The following MTHFD2L variants were observed in gnomAD, a reference collection of about 807,000 sequenced individuals.
The protein encoded by MTHFD2L is methylenetetrahydrofolate dehydrogenase (NADP+ dependent) 2 like.
Under a neutral mutation model 34.9 loss-of-function variants are expected in MTHFD2L, and 29 were observed. The ratio of observed to expected loss-of-function variants is 0.83; its 90% CI spans 0.62 to 1.13. MTHFD2L has a LOEUF of 1.13. Among genes scored for constraint, MTHFD2L ranks in the 50% most tolerant of loss-of-function variants. The probability of loss-of-function intolerance (pLI) is 0.00; values close to 1 mark genes in which losing one functional copy is unlikely to be tolerated. For synonymous variants in MTHFD2L, 167 were observed against 155.7 expected, an observed-to-expected ratio of 1.07 and a Z score of -0.54; for missense variants, 481 against 446.5, an observed-to-expected ratio of 1.08 and a Z score of -0.70.
intron 2 of MTHFD2L, among the ~76,000 whole-genome samples, chr4:74,117,103 T>C (rs746457327): frequency 3.3e-5 from 5 of 152,140 alleles, no homozygotes; most frequent in Non-Finnish European, 7.4e-5. Flanking sequence ...GAGAAAGGGA[T>C]TTTAAAGGGA....
At chr4:74,127,124 T>G (rs1037804030) in intron 1 of MTHFD2L, among the ~76,000 whole-genome samples, 1 of 152,196 alleles carries the variant, frequency 6.6e-6, no homozygotes, top group Admixed American at 6.6e-5. Flanking sequence ...TGCCGAACTG[T>G]GAGTCAATTA....
chr4:74,229,949 AT>A (rs1018298728), intron 6 of MTHFD2L, among the ~76,000 whole-genome samples: 3 of 151,466 alleles, frequency 2.0e-5, no homozygotes, highest in South Asian at 2.1e-4. Flanking sequence ...AAGGCGTGGT[AT>A]TTTTTTTTAA....
rs943008697 is a variant in MTHFD2L, at chr4:74,199,775, A to G, written c.452-19A>G. The G allele has an allele frequency of 1.3e-6, 2 of 1,578,946 alleles. No homozygotes were observed. Among genetic ancestry groups the G allele is most frequent in the Non-Finnish European group, 8.6e-7 (1 of 1,163,698 alleles). On this transcript the variant is annotated intron_variant, in intron 3 of 7. Transcript: ENST00000325278. ...TAAATAACAATTTTAAAATTAGACA[A>G]ATTTTATTTATTTTTCAGACCACGT...
chr4:74,265,891 T>A (rs1163551915), intron 6 of MTHFD2L, among the ~76,000 whole-genome samples: 1 of 152,236 alleles, frequency 6.6e-6, no homozygotes, highest in Admixed American at 6.5e-5. Flanking sequence ...TTTGCCTAAT[T>A]TGCAGATGTG....
At chr4:74,222,249 A>G (rs1050240591) in intron 5 of MTHFD2L, among the ~76,000 whole-genome samples, 2 of 152,108 alleles carry the variant, frequency 1.3e-5, no homozygotes, top group Non-Finnish European at 2.9e-5. Context: ...TTGTTCTGCT[A>G]TAGCAGAATA....
At chr4:74,215,766 AG>A (rs1212605486) in intron 5 of MTHFD2L, among the ~76,000 whole-genome samples, 1 of 151,830 alleles carries the variant, frequency 6.6e-6, no homozygotes, top group Non-Finnish European at 1.5e-5. Context: ...AGGGGAGGAG[AG>A]GGCTGGAACT....
At chr4:74,177,299 TGAATCTC>T (rs1210682338) in intron 3 of MTHFD2L, among the ~76,000 whole-genome samples, 1 of 152,010 alleles carries the variant, frequency 6.6e-6, no homozygotes, top group Admixed American at 6.6e-5. Context: ...TCACTCACAA[TGAATCTC>T]CTGTTGGTAC....
chr4:74,158,246 G>A lies in MTHFD2L; in HGVS notation c.108G>A (p.Gly36=). Residue 36 remains glycine, a synonymous_variant, in exon 1 of 8, where the codon GGG becomes GGA. Coordinates refer to ENST00000325278, the MANE Select transcript of MTHFD2L (RefSeq NM_001144978.3). ...APSVRAPGEP[G]SAFRGFRSSG... is the part of the protein sequence containing the mutation. ...CCGTAAGGGCACCGGGAGAGCCCGGGAGTGCGTTCCGGGGCTTTCGGAGCA... is the reference window on the plus strand; with the variant it reads ...CCGTAAGGGCACCGGGAGAGCCCGGAAGTGCGTTCCGGGGCTTTCGGAGCA... 1.4e-6 allele frequency: 2 copies of A among 1,476,544 alleles called. No individual in the cohort carries two copies. The highest frequency in any genetic ancestry group is 1.8e-6 in the Non-Finnish European group (2 of 1,115,338). The allele number at this position is 1,476,544 out of a possible 1,614,324, so 91.5% of individuals were successfully genotyped here.
In MTHFD2L at chr4:74,291,003, C is replaced by CTTTTTTTTTTTTTTTTTTTTTTTT. The variant is rs10585551; in HGVS notation, c.931+9462_931+9485dup. On this transcript the variant is annotated intron_variant, in intron 7 of 7. Coordinates refer to ENST00000325278, the MANE Select transcript of MTHFD2L (RefSeq NM_001144978.3). The stretch of plus-strand genomic sequence containing the variant: ...CTGTCTTACATTTATTTTTCCTTTT[C>CTTTTTTTTTTTTTTTTTTTTTTTT]TTTTTTTTTTTTTTTTTTTTTTTTT... Among the ~76,000 whole-genome samples the CTTTTTTTTTTTTTTTTTTTTTTTT allele has an allele frequency of 2.6e-3, 76 of 29,278 alleles. 26 individuals carry two copies. The highest frequency in any genetic ancestry group is 5.5e-3 in the East Asian group (4 of 730). 19.2% of individuals were successfully genotyped at this position (29,278 alleles called of 152,430 possible).
In MTHFD2L at chr4:74,174,620, A is replaced by C; in HGVS notation, c.258A>C (p.Ile86=). The C allele has an allele frequency of 1.2e-6, 2 of 1,604,752 alleles. No individual in the cohort carries two copies. Among genetic ancestry groups the C allele is most frequent in the Non-Finnish European group, 1.7e-6 (2 of 1,175,992 alleles). Residue 86 remains isoleucine, a synonymous_variant, in exon 2 of 8, where the codon ATA becomes ATC. Coordinates refer to ENST00000325278, the MANE Select transcript of MTHFD2L (RefSeq NM_001144978.3). ...SLGNRRPHLS[I]ILVGDNPASH... ...GAAACAGAAGACCTCACCTCAGTAT[A>C]ATTTTAGTGGGAGATAACCCAGCAA...
intron 1 of MTHFD2L, among the ~76,000 whole-genome samples, chr4:74,168,900 G>A (rs550851328): frequency 1.2e-3 from 176 of 152,288 alleles, no homozygotes; most frequent in Non-Finnish European, 1.9e-3. Flanking sequence ...AATCTAATTT[G>A]TTTATGCACT....
intron 1 of MTHFD2L, among the ~76,000 whole-genome samples, chr4:74,137,770 C>G (rs1308419899): frequency 6.6e-6 from 1 of 152,020 alleles, no homozygotes; most frequent in Admixed American, 6.6e-5. Flanking sequence ...GAATATTATT[C>G]AATCATAAGA....
At chr4:74,277,576 G>A (rs1313544185) in intron 6 of MTHFD2L, among the ~76,000 whole-genome samples, 1 of 151,838 alleles carries the variant, frequency 6.6e-6, no homozygotes, top group African/African-American at 2.4e-5. Context: ...TCTTTATTTT[G>A]AATATTGCTA....
chr4:74,213,683 CTTG>C (rs922182630), intron 5 of MTHFD2L, among the ~76,000 whole-genome samples: 3 of 152,040 alleles, frequency 2.0e-5, no homozygotes, highest in African/African-American at 7.2e-5. Context: ...GGTTATGTGT[CTTG>C]TTGTTGCTCT....
At chr4:74,120,353 G>A (rs1423543264), upstream of MTHFD2L, among the ~76,000 whole-genome samples, 1 of 152,216 alleles carries the variant, frequency 6.6e-6, no homozygotes, top group Non-Finnish European at 1.5e-5. Flanking sequence ...GCTTACTTTT[G>A]TGCAATATAT....
intron 2 of MTHFD2L, among the ~76,000 whole-genome samples, chr4:74,175,031 T>C (rs1200033093): frequency 6.6e-6 from 1 of 152,170 alleles, no homozygotes; most frequent in African/African-American, 2.4e-5. Flanking sequence ...AGTGATATTT[T>C]TATTCTCTTC....
chr4:74,197,841 G>A (rs937554625), intron 3 of MTHFD2L, among the ~76,000 whole-genome samples: 5 of 152,048 alleles, frequency 3.3e-5, no homozygotes, highest in African/African-American at 9.7e-5. Context: ...TCACATTATT[G>A]CTATATACTG....
At chr4:74,239,825 T>G (rs1394658671) in intron 6 of MTHFD2L, among the ~76,000 whole-genome samples, 1 of 152,198 alleles carries the variant, frequency 6.6e-6, no homozygotes, top group East Asian at 1.9e-4. Context: ...TTGTTGAGTT[T>G]CTATTATGTG....
At chr4:74,257,388 G>A (rs761571293) in intron 6 of MTHFD2L, among the ~76,000 whole-genome samples, 2 of 152,104 alleles carry the variant, frequency 1.3e-5, no homozygotes, top group Admixed American at 6.6e-5. Context: ...CAGGTGACTC[G>A]CTTTATCTTT....
Sources: allele counts gnomAD v4.1 joint callset (sites outside exome capture counted in the v4.1 genomes callset), GRCh38; gene constraint gnomAD v4.1.1; transcripts MANE v1.5; gene names NCBI Gene and HGNC (gene_info 2026-07-23, HGNC 2026-07-21).